The following CORO2B variants were observed in gnomAD, a reference collection of about 807,000 sequenced individuals.
CORO2B encodes coronin-2B.
A neutral mutation model predicts 58.8 loss-of-function variants in CORO2B; 26 were observed. That is an observed-to-expected ratio of 0.44 (90% CI 0.32 to 0.61). The LOEUF (loss-of-function observed/expected upper bound fraction) is 0.61. Among genes scored for constraint, CORO2B ranks in the 20% least tolerant of loss-of-function variants. The pLI is 0.04. For missense variants in CORO2B, 460 were observed against 645.1 expected (o/e 0.71, Z 3.11); for synonymous variants, 242 against 253.8 (o/e 0.95, Z 0.44).
intron 2 of CORO2B, among the ~76,000 whole-genome samples, chr15:68,682,782 C>G (rs999458324): frequency 1.3e-5 from 2 of 152,180 alleles, no homozygotes; most frequent in Non-Finnish European, 2.9e-5. Context: ...ACCCAGGTCC[C>G]CTGAATCCCA....
Position 68,726,167 on chromosome 15 carries a change from C to A in CORO2B, c.*193C>A. 1 of 660,260 alleles carries A rather than the reference C, an allele frequency of 1.5e-6. No individual in the cohort carries two copies. Among genetic ancestry groups the A allele is most frequent in the Non-Finnish European group, 2.5e-6 (1 of 406,460 alleles). 40.9% of individuals were successfully genotyped at this position (660,260 alleles called of 1,614,324 possible). A position where few individuals can be genotyped will look rare whatever the true frequency, so the allele number is the denominator to read the frequency against. On this transcript the variant is annotated 3_prime_UTR_variant, in exon 12 of 12. Coordinates refer to ENST00000261861, the MANE Select transcript of CORO2B (RefSeq NM_006091.5). ...ACCTCATGCTAATAAAAGTCCCCAG[C>A]TTCTGGAGACCCCCTGCCGGCAGCC...
chr15:68,532,699 C>T, the CORO2B span, among the ~76,000 whole-genome samples: 1 of 152,156 alleles, frequency 6.6e-6, no homozygotes, highest in African/African-American at 2.4e-5. Context: ...TTTAATTAAA[C>T]TTTAGCTTAA....
chr15:68,579,009 C>G lies in CORO2B; in HGVS notation c.-254C>G. The G allele has an allele frequency of 2.0e-6, 2 of 984,630 alleles. No individual in the cohort carries two copies. Among genetic ancestry groups the G allele is most frequent in the Non-Finnish European group, 2.4e-6 (2 of 829,582 alleles). 61.0% of individuals were successfully genotyped at this position (984,630 alleles called of 1,614,324 possible). ...TCTCCCTTTCTTCCTGCCTCGCCTT[C>G]CTGCGGCGAAGGAGGCTCATCTATT... is the stretch of plus-strand genomic sequence containing the variant. On this transcript the variant is annotated 5_prime_UTR_variant, in exon 1 of 12. Coordinates refer to ENST00000261861, the MANE Select transcript of CORO2B (RefSeq NM_006091.5).
the CORO2B span, among the ~76,000 whole-genome samples, chr15:68,536,685 T>C: frequency 6.6e-6 from 1 of 152,258 alleles, no homozygotes; most frequent in Non-Finnish European, 1.5e-5. Flanking sequence ...AGCTGTGACA[T>C]GGCCAGCTAA....
the CORO2B span, among the ~76,000 whole-genome samples, chr15:68,556,777 G>A: frequency 1.3e-5 from 2 of 152,176 alleles, no homozygotes; most frequent in African/African-American, 2.4e-5. Context: ...TGTGGCTGCC[G>A]AGGGACTCAC....
At chr15:68,649,871 A>G (rs1302160084) in intron 2 of CORO2B, among the ~76,000 whole-genome samples, 1 of 152,138 alleles carries the variant, frequency 6.6e-6, no homozygotes, top group Non-Finnish European at 1.5e-5. Context: ...GGAAAACCCC[A>G]CTATACACTC....
chr15:68,645,307 A>T lies in CORO2B; in HGVS notation c.163A>T (p.Ile55Phe). 6.2e-7 allele frequency: 1 copy of T among 1,613,584 alleles called. No homozygotes were observed. Among genetic ancestry groups the T allele is most frequent in the Non-Finnish European group, 8.5e-7 (1 of 1,179,978 alleles). The change falls in exon 2 of 12, where the codon ATC becomes TTC. Residue 55 changes from isoleucine to phenylalanine, a missense_variant. Coordinates refer to ENST00000261861, the MANE Select transcript of CORO2B (RefSeq NM_006091.5). This position sits in a 1 kb window ranked among gnomAD's most constrained non-coding sequence, Gnocchi z 4.5. The stretch of plus-strand genomic sequence containing the variant: ...TGCCGTCAACACCCGCTTCCTGGCC[A>T]TCGTCACCGAGAGCGCAGGGGGCGG... Reference protein sequence around the residue: ...FCAVNTRFLAIVTESAGGGSF... With the variant: ...FCAVNTRFLAFVTESAGGGSF...
intron 2 of CORO2B, among the ~76,000 whole-genome samples, chr15:68,666,267 T>C (rs148865697): frequency 1.3e-5 from 2 of 152,318 alleles, no homozygotes; most frequent in East Asian, 3.9e-4. Context: ...CAACAGATGA[T>C]GCTCAGATAT....
At chr15:68,681,194 G>C (rs1192521336) in intron 2 of CORO2B, among the ~76,000 whole-genome samples, 1 of 150,882 alleles carries the variant, frequency 6.6e-6, no homozygotes, top group Non-Finnish European at 1.5e-5. Flanking sequence ...GCCTGGGCGA[G>C]AGAGCAAGAT....
At chr15:68,579,309 C>G in intron 1 of CORO2B, 32 bp downstream of exon 1, 1 of 1,279,874 alleles carries the variant, frequency 7.8e-7, no homozygotes, top group South Asian at 2.4e-5. Context: ...CGCCCGGGAC[C>G]CGCCGGCGCC....
intron 1 of CORO2B, among the ~76,000 whole-genome samples, chr15:68,592,155 C>T (rs954455743): frequency 4.6e-5 from 7 of 151,304 alleles, no homozygotes; most frequent in African/African-American, 1.5e-4. Flanking sequence ...TCCAGACTGC[C>T]AAGAGTTGTG....
intron 2 of CORO2B, among the ~76,000 whole-genome samples, chr15:68,674,421 T>C (rs578071054): frequency 1.3e-5 from 2 of 152,166 alleles, no homozygotes; most frequent in Non-Finnish European, 2.9e-5. Context: ...CCCCAGGTGA[T>C]TGTGTGCCCT....
Position 68,583,103 on chromosome 15 carries a change from C to G in CORO2B, c.15+3826C>G, listed in dbSNP as rs146637769. ...GGCCCCTCTTTCTGCAGGCAGCCTT[C>G]CCTCTCCTGCCTCAGCTCCAGCAGG... On this transcript the variant is annotated intron_variant, in intron 1 of 11. Transcript: ENST00000261861. Among the ~76,000 whole-genome samples, 701 of 152,278 alleles carry G rather than the reference C, an allele frequency of 4.6e-3. 6 individuals carry two copies. Among genetic ancestry groups the G allele is most frequent in the African/African-American group, 0.015 (616 of 41,548 alleles).
chr15:68,712,741 T>G (rs1285887351), intron 5 of CORO2B, among the ~76,000 whole-genome samples: 2 of 152,056 alleles, frequency 1.3e-5, no homozygotes, highest in African/African-American at 4.8e-5. Context: ...AGGACAACCC[T>G]CTCAGCTGGG....
At chr15:68,695,582 T>C (rs893354006) in intron 3 of CORO2B, among the ~76,000 whole-genome samples, 21 of 152,078 alleles carry the variant, frequency 1.4e-4, no homozygotes, top group Non-Finnish European at 8.8e-5. Flanking sequence ...GGAAAGAATA[T>C]GAACAAGGAG....
chr15:68,579,023 G>C lies in CORO2B; in HGVS notation c.-240G>C. ...TGCCTCGCCTTCCTGCGGCGAAGGA[G>C]GCTCATCTATTATAAATGCACATTC... On this transcript the variant is annotated 5_prime_UTR_variant, in exon 1 of 12. Transcript: ENST00000261861. The C allele has an allele frequency of 1.0e-6, 1 of 984,728 alleles. No homozygotes were observed. Among genetic ancestry groups the C allele is most frequent in the Non-Finnish European group, 1.2e-6 (1 of 829,756 alleles). The allele number at this position is 984,728 out of a possible 1,614,324, so 61.0% of individuals were successfully genotyped here.
At chr15:68,692,464 A>G (rs1892402485) in intron 2 of CORO2B, among the ~76,000 whole-genome samples, 1 of 151,846 alleles carries the variant, frequency 6.6e-6, no homozygotes, top group Non-Finnish European at 1.5e-5. Context: ...TGACACGTGT[A>G]GTCCCAGCTA....
At chr15:68,695,868 G>C (rs920292041) in intron 3 of CORO2B, among the ~76,000 whole-genome samples, 1 of 152,024 alleles carries the variant, frequency 6.6e-6, no homozygotes, top group African/African-American at 2.4e-5. Flanking sequence ...AGAGAACAGG[G>C]AGAGAACAGA....
At chr15:68,575,096 A>T (rs557246077), upstream of CORO2B, among the ~76,000 whole-genome samples, 2 of 152,290 alleles carry the variant, frequency 1.3e-5, no homozygotes, top group South Asian at 2.1e-4. Context: ...AGAACCAGGG[A>T]CTTTTTACTT....
Sources: allele counts gnomAD v4.1 joint callset (sites outside exome capture counted in the v4.1 genomes callset), GRCh38; gene constraint gnomAD v4.1.1; non-coding constraint Gnocchi (gnomAD v3.1); transcripts MANE v1.5; gene names NCBI Gene and HGNC (gene_info 2026-07-23, HGNC 2026-07-21).